Variants in MPDZ observed in about 807,000 individuals in gnomAD.
MPDZ encodes multiple PDZ domain protein.
In MPDZ, 234 loss-of-function variants were observed where a neutral mutation model predicts 239.1. The observed-to-expected ratio is 0.98, with a 90% CI of 0.88 to 1.09. MPDZ has a LOEUF of 1.09. MPDZ is among the 50% of genes least tolerant of loss of function. MPDZ has a pLI of 0.00. For synonymous variants in MPDZ, 1,048 were observed against 881.3 expected, an observed-to-expected ratio of 1.19 and a Z score of -3.35; for missense variants, 3,175 against 2,510.0, an observed-to-expected ratio of 1.26 and a Z score of -5.66.
intron 26 of MPDZ, among the ~76,000 whole-genome samples, chr9:13,144,536 C>T (rs1948180579): frequency 6.6e-6 from 1 of 151,964 alleles, no homozygotes; most frequent in Admixed American, 6.6e-5. Context: ...TTCATTTTGG[C>T]TCCAATTAAA....
intron 32 of MPDZ, 30 bp downstream of exon 32, chr9:13,133,794 T>A: frequency 6.8e-7 from 1 of 1,481,222 alleles, no homozygotes. Context: ...GGAACTCACA[T>A]CATTTCATTC....
intron 40 of MPDZ, among the ~76,000 whole-genome samples, chr9:13,114,383 T>A (rs1208420215): frequency 1.3e-5 from 2 of 152,238 alleles, no homozygotes; most frequent in Middle Eastern, 3.4e-3. Flanking sequence ...AGGAAACTCA[T>A]GGTAGTAATT....
At chr9:13,185,305 C>A (rs1334640973) in intron 18 of MPDZ, among the ~76,000 whole-genome samples, 1 of 151,872 alleles carries the variant, frequency 6.6e-6, no homozygotes, top group Non-Finnish European at 1.5e-5. Context: ...ATTGTCTCCC[C>A]CGAAATTACA....
At chr9:13,108,341 A>T (rs991236191) in intron 46 of MPDZ, among the ~76,000 whole-genome samples, 1 of 152,146 alleles carries the variant, frequency 6.6e-6, no homozygotes, top group Non-Finnish European at 1.5e-5. Context: ...TTCTTAAGCT[A>T]GAATAGGTAT....
At chr9:13,235,306 TAAG>T (rs1564097124) in intron 3 of MPDZ, among the ~76,000 whole-genome samples, 2 of 152,156 alleles carry the variant, frequency 1.3e-5, no homozygotes, top group African/African-American at 4.8e-5. Context: ...CAATAAGTTA[TAAG>T]AAGGGAAAAC....
intron 3 of MPDZ, among the ~76,000 whole-genome samples, chr9:13,244,945 G>A (rs1462639984): frequency 6.6e-6 from 1 of 152,078 alleles, no homozygotes; most frequent in Admixed American, 6.5e-5. Context: ...GGGAGAATCA[G>A]AGGGTCGTAT....
chr9:13,111,987 T>G, intron 43 of MPDZ, 37 bp downstream of exon 43: 1 of 1,606,292 alleles, frequency 6.2e-7, no homozygotes, highest in Non-Finnish European at 8.5e-7. Context: ...CTTCTGCACA[T>G]TTTGCTAGGG....
Position 13,205,035 on chromosome 9 carries a change from C to T in MPDZ, c.1546+1G>A. On this transcript the variant is annotated splice_donor_variant, in intron 12 of 46. Transcript: ENST00000319217. LOFTEE classifies it high-confidence loss of function. ...ACAATAAGCTGGCGCTAGGTGTTTA[C>T]CTTCTTCTTCAGTTGGTAATATGTT... 1 of 1,446,516 alleles carries T rather than the reference C, an allele frequency of 6.9e-7. No individual in the cohort carries two copies. Among genetic ancestry groups the T allele is most frequent in the South Asian group, 1.6e-5 (1 of 63,242 alleles). 89.6% of individuals were successfully genotyped at this position (1,446,516 alleles called of 1,614,324 possible).
At chr9:13,220,920 C>A (rs1959026232) in intron 7 of MPDZ, among the ~76,000 whole-genome samples, 1 of 151,972 alleles carries the variant, frequency 6.6e-6, no homozygotes, top group African/African-American at 2.4e-5. Context: ...AAAAAACAGG[C>A]TGTGTTTCAT....
intron 1 of MPDZ, among the ~76,000 whole-genome samples, chr9:13,251,180 G>A (rs1235042481): frequency 6.8e-6 from 1 of 146,102 alleles, no homozygotes; most frequent in Non-Finnish European, 1.5e-5. Context: ...AGAAATGAAT[G>A]TGACACTCAA....
At chr9:13,171,333 G>A (rs1020070744) in intron 21 of MPDZ, among the ~76,000 whole-genome samples, 1 of 152,138 alleles carries the variant, frequency 6.6e-6, no homozygotes, top group African/African-American at 2.4e-5. Context: ...AATGAAGCCT[G>A]TTAGTACAAC....
In MPDZ at chr9:13,105,776, A is replaced by T. The variant is rs1446353966; in HGVS notation, c.*1189T>A. ...ATTTACACAAAAATGCTGTAATAAA[A>T]TATCTGTACACTACTTCTGTTACAA... On this transcript the variant is annotated 3_prime_UTR_variant, in exon 47 of 47. Coordinates refer to ENST00000319217, the MANE Select transcript of MPDZ (RefSeq NM_001378778.1). 6.6e-6 allele frequency: 1 copy of T among 152,218 alleles called. No individual in the cohort carries two copies. Among genetic ancestry groups the T allele is most frequent in the Non-Finnish European group, 1.5e-5 (1 of 68,026 alleles). The allele number at this position is 152,218 out of a possible 1,614,324, so 9.4% of individuals were successfully genotyped here. A position where few individuals can be genotyped will look rare whatever the true frequency, so the allele number is the denominator to read the frequency against.
intron 24 of MPDZ, among the ~76,000 whole-genome samples, chr9:13,153,310 G>C (rs895260533): frequency 2.0e-5 from 3 of 152,044 alleles, no homozygotes; most frequent in South Asian, 4.2e-4. Context: ...AGTTTAAAAC[G>C]ACCTTACCAT....
chr9:13,230,651 T>G lies in MPDZ; in HGVS notation c.184-6068A>C, dbSNP rs561545199. On this transcript the variant is annotated intron_variant, in intron 3 of 46. Coordinates refer to ENST00000319217, the MANE Select transcript of MPDZ (RefSeq NM_001378778.1). ...GTGGTTAAATATGACTATAAAAGAA[T>G]AGAATAAGGGAGATATTTGTGGTGA... Among the ~76,000 whole-genome samples the G allele has an allele frequency of 1.2e-4, 18 of 152,124 alleles. No individual in the cohort carries two copies. The South Asian group carries it at 3.7e-3, about 32-fold the overall frequency.
At chr9:13,170,948 G>A (rs1221800692) in intron 21 of MPDZ, among the ~76,000 whole-genome samples, 1 of 151,996 alleles carries the variant, frequency 6.6e-6, no homozygotes, top group African/African-American at 2.4e-5. Flanking sequence ...TTTTTTTCCT[G>A]GAAGAAGTAT....
chr9:13,231,119 A>G (rs1378040005), intron 3 of MPDZ, among the ~76,000 whole-genome samples: 3 of 152,198 alleles, frequency 2.0e-5, no homozygotes, highest in South Asian at 2.1e-4. Context: ...ACCTCTAACA[A>G]TACTGATTAA....
At chr9:13,160,830 TTATATA>T (rs58374268) in intron 23 of MPDZ, among the ~76,000 whole-genome samples, 1,008 of 37,966 alleles carry the variant, frequency 0.027, 37 homozygotes, top group Middle Eastern at 0.059. Context: ...ATTATTAAAA[TTATATA>T]TATATATATA....
intron 3 of MPDZ, among the ~76,000 whole-genome samples, chr9:13,232,801 G>C (rs1436866631): frequency 2.1e-5 from 3 of 142,100 alleles, no homozygotes; most frequent in Non-Finnish European, 4.6e-5. Context: ...TTGTATTCAG[G>C]AAATATAAAG....
At chr9:13,173,100 G>C (rs904751896) in intron 21 of MPDZ, among the ~76,000 whole-genome samples, 1 of 152,190 alleles carries the variant, frequency 6.6e-6, no homozygotes, top group African/African-American at 2.4e-5. Context: ...AATGGTAGTT[G>C]ACAGGGGACT....
Sources: allele counts gnomAD v4.1 joint callset (sites outside exome capture counted in the v4.1 genomes callset), GRCh38; gene constraint gnomAD v4.1.1; transcripts MANE v1.5; gene names NCBI Gene and HGNC (gene_info 2026-07-23, HGNC 2026-07-21).